The following SUPT3H variants were observed in gnomAD, a reference collection of about 807,000 sequenced individuals.
The protein encoded by SUPT3H is transcription initiation protein SPT3 homolog.
Under a neutral mutation model 44.3 loss-of-function variants are expected in SUPT3H, and 44 were observed. The observed-to-expected ratio is 0.99, with a 90% confidence interval of 0.78 to 1.28. SUPT3H has a LOEUF of 1.28. Ranked by LOEUF, SUPT3H falls within the 50% of genes most tolerant of loss-of-function variation. The pLI, the probability that SUPT3H is intolerant of heterozygous loss-of-function variation, is 0.00. For synonymous variants in SUPT3H, 124 were observed against 125.6 expected, an observed-to-expected ratio of 0.99 and a Z score of 0.09; for missense variants, 380 against 387.1, an observed-to-expected ratio of 0.98 and a Z score of 0.15.
chr6:45,118,449 A>G (rs150880459), intron 2 of SUPT3H, among the ~76,000 whole-genome samples: 6 of 152,236 alleles, frequency 3.9e-5, no homozygotes, highest in African/African-American at 1.4e-4. Context: ...ACAGAATCCT[A>G]CAACTTTCAA....
At chr6:45,082,339 A>G (rs935893144) in intron 3 of SUPT3H, among the ~76,000 whole-genome samples, 8 of 152,150 alleles carry the variant, frequency 5.3e-5, no homozygotes, top group African/African-American at 1.9e-4. Flanking sequence ...CACAACAACA[A>G]CAACAAAAAG....
At chr6:45,045,845 T>C (rs951215955) in intron 3 of SUPT3H, among the ~76,000 whole-genome samples, 5 of 152,192 alleles carry the variant, frequency 3.3e-5, no homozygotes, top group Non-Finnish European at 7.3e-5. Context: ...GCATCACAAA[T>C]ATTTTTTGCC....
At chr6:45,163,447 G>C (rs1809357898) in intron 2 of SUPT3H, among the ~76,000 whole-genome samples, 1 of 152,070 alleles carries the variant, frequency 6.6e-6, no homozygotes, top group African/African-American at 2.4e-5. Flanking sequence ...ATAATCAACT[G>C]CCAGTAAATA....
chr6:44,910,410 A>G (rs1045692235), intron 10 of SUPT3H, among the ~76,000 whole-genome samples: 1 of 152,130 alleles, frequency 6.6e-6, no homozygotes, highest in Non-Finnish European at 1.5e-5. Context: ...CATTGTTCTC[A>G]TTTTCCAATT....
chr6:45,179,631 A>T (rs1329963585), intron 2 of SUPT3H, among the ~76,000 whole-genome samples: 1 of 152,224 alleles, frequency 6.6e-6, no homozygotes, highest in Non-Finnish European at 1.5e-5. Flanking sequence ...CAAAAACCAC[A>T]TGATTATCTC....
intron 2 of SUPT3H, chr6:45,251,144 A>T (rs931673988): frequency 1.3e-5 from 2 of 152,106 alleles, no homozygotes; most frequent in African/African-American, 4.8e-5. Flanking sequence ...GAGCTAGAAA[A>T]GAGCAGAACA....
intron 3 of SUPT3H, among the ~76,000 whole-genome samples, chr6:45,101,581 C>T (rs1277612912): frequency 6.6e-6 from 1 of 152,136 alleles, no homozygotes; most frequent in Non-Finnish European, 1.5e-5. Context: ...GGTTCCATAG[C>T]ATTATGTAGT....
intron 11 of SUPT3H, among the ~76,000 whole-genome samples, chr6:44,819,070 A>T (rs888814892): frequency 1.3e-5 from 2 of 152,214 alleles, no homozygotes; most frequent in Non-Finnish European, 2.9e-5. Context: ...AAACAATGCA[A>T]ATGTCCACTC....
intron 10 of SUPT3H, among the ~76,000 whole-genome samples, chr6:44,929,858 C>T (rs1172760471): frequency 6.6e-6 from 1 of 151,874 alleles, no homozygotes; most frequent in East Asian, 1.9e-4. Flanking sequence ...AAATCCATCC[C>T]ATTTTAATGA....
chr6:44,994,098 A>G (rs925393387), intron 6 of SUPT3H, among the ~76,000 whole-genome samples: 1 of 152,168 alleles, frequency 6.6e-6, no homozygotes, highest in African/African-American at 2.4e-5. Flanking sequence ...TAATTAGAAT[A>G]GTAACCCATT....
intron 8 of SUPT3H, among the ~76,000 whole-genome samples, chr6:44,953,772 C>T (rs1774680229): frequency 6.6e-6 from 1 of 152,046 alleles, no homozygotes; most frequent in East Asian, 1.9e-4. Flanking sequence ...GCTCTTGTTG[C>T]CCAGGCTGGA....
At chr6:44,993,817 A>T (rs1780917429) in intron 6 of SUPT3H, among the ~76,000 whole-genome samples, 2 of 152,078 alleles carry the variant, frequency 1.3e-5, no homozygotes, top group Non-Finnish European at 2.9e-5. Context: ...TAAACATAAC[A>T]ATGAGTTATC....
At chr6:44,862,600 C>T (rs1451772985) in intron 10 of SUPT3H, among the ~76,000 whole-genome samples, 1 of 149,306 alleles carries the variant, frequency 6.7e-6, no homozygotes, top group Admixed American at 6.7e-5. Context: ...ATTGCTTGAA[C>T]AAGGCGGGTG....
chr6:45,034,279 C>T (rs1191310670), intron 3 of SUPT3H, among the ~76,000 whole-genome samples: 1 of 151,952 alleles, frequency 6.6e-6, no homozygotes, highest in East Asian at 1.9e-4. Flanking sequence ...CAACCCTGTA[C>T]ATTCATCCCA....
At chr6:45,145,767 C>A (rs949854620) in intron 2 of SUPT3H, among the ~76,000 whole-genome samples, 1 of 151,780 alleles carries the variant, frequency 6.6e-6, no homozygotes, top group African/African-American at 2.4e-5. Flanking sequence ...ACTATGTATC[C>A]AACAAAGGAC....
chr6:45,132,023 AATAAT>A (rs1803545685), intron 2 of SUPT3H, among the ~76,000 whole-genome samples: 2 of 152,352 alleles, frequency 1.3e-5, no homozygotes, highest in East Asian at 1.9e-4. Flanking sequence ...ATTAACAACT[AATAAT>A]ATAATAGAAC....
At chr6:45,363,018 T>C (rs919717765) in intron 2 of SUPT3H, among the ~76,000 whole-genome samples, 16 of 152,194 alleles carry the variant, frequency 1.1e-4, no homozygotes, top group South Asian at 4.1e-4. Context: ...AGGTTTTTTA[T>C]TTTTATTTTT....
intron 2 of SUPT3H, among the ~76,000 whole-genome samples, chr6:45,309,435 A>G (rs1783618260): frequency 6.6e-6 from 1 of 151,938 alleles, no homozygotes; most frequent in South Asian, 2.1e-4. Context: ...AGGACAAGTT[A>G]GTTAAAAATA....
At chr6:44,823,973 AAAAAC>A (rs1163739688), downstream of SUPT3H, among the ~76,000 whole-genome samples, 6 of 152,234 alleles carry the variant, frequency 3.9e-5, no homozygotes, top group East Asian at 1.2e-3. Context: ...CAAAAACACA[AAAAAC>A]AAAACCAAAA....
Sources: gnomAD v4.1 joint callset for allele counts (sites outside exome capture counted in the v4.1 genomes callset) on GRCh38, gnomAD v4.1.1 for gene constraint, MANE v1.5 for transcripts, NCBI Gene and HGNC (gene_info 2026-07-23, HGNC 2026-07-21) for gene names.